The following SCTR variants were observed in gnomAD, a reference collection of about 807,000 sequenced individuals.
The protein encoded by SCTR is pancreatic secretin receptor.
A neutral mutation model predicts 60.8 loss-of-function variants in SCTR; 56 were observed. The observed-to-expected ratio is 0.92, with a 90% CI of 0.74 to 1.15. The LOEUF is 1.15. Ranked by LOEUF, SCTR falls within the 50% of genes most tolerant of loss-of-function variation. SCTR has a pLI of 0.00. For missense variants in SCTR, 562 were observed against 550.4 expected, an observed-to-expected ratio of 1.02 and a Z score of -0.21; for synonymous variants, 202 against 217.0, an observed-to-expected ratio of 0.93 and a Z score of 0.61.
intron 2 of SCTR, among the ~76,000 whole-genome samples, chr2:119,489,178 C>A (rs1029144521): frequency 2.6e-5 from 4 of 152,162 alleles, no homozygotes; most frequent in Non-Finnish European, 5.9e-5. Context: ...CTCTCTCCCC[C>A]AAGGTTAGAC....
In SCTR at chr2:119,483,381, T is replaced by A. The variant is rs975089104; in HGVS notation, c.194-4463A>T. 7.2e-5 allele frequency among the ~76,000 whole-genome samples: 11 copies of A among 152,292 alleles called. No homozygotes were observed. The South Asian group carries it at 8.3e-4, about 11-fold the overall frequency. On this transcript the variant is annotated intron_variant, in intron 2 of 12. Coordinates refer to ENST00000019103, the MANE Select transcript of SCTR (RefSeq NM_002980.3). ...GGTGATAATGGAGCTGGGATCCCACTCAGCCTTCCCATCTCCCCAGCCTGG... is the reference window on the plus strand; with the variant it reads ...GGTGATAATGGAGCTGGGATCCCACACAGCCTTCCCATCTCCCCAGCCTGG...
At chr2:119,505,736 T>C (rs1175121545) in intron 1 of SCTR, among the ~76,000 whole-genome samples, 1 of 150,708 alleles carries the variant, frequency 6.6e-6, no homozygotes, top group African/African-American at 2.4e-5. Flanking sequence ...GGGATAGCTT[T>C]AGGAGATATA....
At chr2:119,450,279 G>T (rs990625392) in intron 9 of SCTR, among the ~76,000 whole-genome samples, 1 of 152,044 alleles carries the variant, frequency 6.6e-6, no homozygotes, top group African/African-American at 2.4e-5. Context: ...CATCAGGAGT[G>T]CTCATCCAAC....
chr2:119,500,217 A>C (rs1678496003), intron 1 of SCTR, among the ~76,000 whole-genome samples: 1 of 26,216 alleles, frequency 3.8e-5, no homozygotes, highest in Non-Finnish European at 7.8e-5. Flanking sequence ...AAAAAGACAA[A>C]AAGTACTAAA....
chr2:119,489,016 T>C (rs1184551541), intron 2 of SCTR, among the ~76,000 whole-genome samples: 2 of 152,082 alleles, frequency 1.3e-5, no homozygotes, highest in Non-Finnish European at 2.9e-5. Context: ...GGGAGAGTCT[T>C]TTCCTCGAAC....
chr2:119,506,196 C>T (rs1254879851), intron 1 of SCTR, among the ~76,000 whole-genome samples: 1 of 152,298 alleles, frequency 6.6e-6, no homozygotes, highest in East Asian at 1.9e-4. Flanking sequence ...CACAGAAAAA[C>T]CTGTTCATAA....
At chr2:119,460,431 G>A (rs565944163) in intron 7 of SCTR, among the ~76,000 whole-genome samples, 1 of 141,650 alleles carries the variant, frequency 7.1e-6, no homozygotes, top group African/African-American at 2.9e-5. Context: ...TGCATGGGTG[G>A]GTGGGTGGAT....
chr2:119,522,421 G>A (rs1027820061), intron 1 of SCTR, among the ~76,000 whole-genome samples: 5 of 152,182 alleles, frequency 3.3e-5, no homozygotes, highest in Non-Finnish European at 7.4e-5. Context: ...TATGTGGGGC[G>A]AGTAGAGCTG....
chr2:119,443,485 T>G (rs1323341090), intron 11 of SCTR, among the ~76,000 whole-genome samples: 3 of 152,244 alleles, frequency 2.0e-5, no homozygotes, highest in Non-Finnish European at 4.4e-5. Flanking sequence ...TTTGAAAAAC[T>G]TTTCCTTATT....
rs1397352894 is a variant in SCTR at position 119,465,865 on chromosome 2, T to A, written c.427A>T (p.Lys143Ter). The A allele has an allele frequency of 6.2e-7, 1 of 1,613,788 alleles. No homozygotes were observed. The highest frequency in any genetic ancestry group is 1.7e-5 in the Admixed American group (1 of 59,992). The change falls in exon 5 of 13, where the codon AAA (lysine) becomes TAA (stop). Residue 143 changes from lysine to a stop codon, truncating the protein, a stop_gained. Coordinates refer to ENST00000019103, the MANE Select transcript of SCTR (RefSeq NM_002980.3). LOFTEE classifies it high-confidence loss of function. ...EKRHSYLLKL[K>*]VMYTVGYSSS... ...CTGTAGCCCACGGTGTACATGACTT[T>A]CAGCTTCAGCAGGTAGGAGTGCTGC...
intron 3 of SCTR, among the ~76,000 whole-genome samples, chr2:119,473,978 T>C (rs1428385227): frequency 2.6e-5 from 4 of 152,228 alleles, no homozygotes; most frequent in African/African-American, 9.6e-5. Context: ...CTTCATGCCC[T>C]GCTCACTCAG....
At chr2:119,442,390 C>G (rs1006936708) in intron 11 of SCTR, among the ~76,000 whole-genome samples, 1 of 152,214 alleles carries the variant, frequency 6.6e-6, no homozygotes, top group African/African-American at 2.4e-5. Flanking sequence ...CAGGGACCCA[C>G]CTCAGGCCAC....
At chr2:119,441,629 G>A in intron 11 of SCTR, 30 bp from the exon 12 acceptor site, 1 of 1,608,770 alleles carries the variant, frequency 6.2e-7, no homozygotes, top group Non-Finnish European at 8.5e-7. Context: ...AGCAGGGTTA[G>A]CACAGGTGCT....
intron 3 of SCTR, among the ~76,000 whole-genome samples, chr2:119,476,268 A>G (rs1367483093): frequency 6.6e-6 from 1 of 152,114 alleles, no homozygotes; most frequent in Non-Finnish European, 1.5e-5. Flanking sequence ...GTTCTTGATG[A>G]TAAATTGAGG....
At chr2:119,473,899 C>T (rs986604140) in intron 3 of SCTR, among the ~76,000 whole-genome samples, 6 of 152,178 alleles carry the variant, frequency 3.9e-5, no homozygotes, top group African/African-American at 1.4e-4. Context: ...TGGCCACTCC[C>T]ATCATGACTT....
chr2:119,473,564 T>C lies in SCTR; in HGVS notation c.302-8A>G. The C allele has an allele frequency of 6.3e-7, 1 of 1,597,030 alleles. No homozygotes were observed. On this transcript the variant is annotated splice_region_variant and splice_polypyrimidine_tract_variant and intron_variant, in intron 3 of 12. Transcript: ENST00000019103. Reference sequence around the variant, plus strand: ...AGTTTCGGAACAAGGAACCTGTGGGTGCCAAGAGTCCTGTAGGTGAGCCAT... The same window carrying C: ...AGTTTCGGAACAAGGAACCTGTGGGCGCCAAGAGTCCTGTAGGTGAGCCAT...
At chr2:119,458,896 A>C (rs760239314) in intron 7 of SCTR, among the ~76,000 whole-genome samples, 64 of 152,218 alleles carry the variant, frequency 4.2e-4, no homozygotes, top group Admixed American at 1.8e-3. Flanking sequence ...GCTGAGGCAG[A>C]ACCGCCAGTG....
intron 1 of SCTR, 23 bp from the exon 2 acceptor site, chr2:119,494,571 G>T (rs762770595): frequency 2.2e-5 from 36 of 1,612,428 alleles, no homozygotes; most frequent in Non-Finnish European, 3.0e-5. Flanking sequence ...AACCAGGGAT[G>T]CTCATCATTG....
intron 1 of SCTR, among the ~76,000 whole-genome samples, chr2:119,505,509 T>C (rs1342130060): frequency 1.3e-5 from 2 of 151,174 alleles, no homozygotes; most frequent in Non-Finnish European, 2.9e-5. Flanking sequence ...ATATACACCA[T>C]GGAATACTAT....
Sources: allele counts gnomAD v4.1 joint callset (sites outside exome capture counted in the v4.1 genomes callset), GRCh38; gene constraint gnomAD v4.1.1; transcripts MANE v1.5; gene names NCBI Gene and HGNC (gene_info 2026-07-23, HGNC 2026-07-21).